KLHL29: variants seen among roughly 807,000 people sequenced by gnomAD.
The protein encoded by KLHL29 is kelch-like protein 29.
Under a neutral mutation model 80.4 loss-of-function variants are expected in KLHL29, and 21 were observed. The observed-to-expected ratio is 0.26, with a 90% CI of 0.19 to 0.38. The LOEUF is 0.38. KLHL29 is among the 10% of genes least tolerant of loss of function. The pLI is 1.00. For missense variants in KLHL29, 867 were observed against 1,223.9 expected, an observed-to-expected ratio of 0.71 and a Z score of 4.35; for synonymous variants, 511 against 526.8, an observed-to-expected ratio of 0.97 and a Z score of 0.41.
chr2:23,489,117 T>C (rs141688533), intron 2 of KLHL29, among the ~76,000 whole-genome samples: 1 of 152,266 alleles, frequency 6.6e-6, no homozygotes, highest in African/African-American at 2.4e-5. Context: ...CTGGTGTTTA[T>C]CACAAAGCAG....
At chr2:23,614,941 C>T (rs1668964798) in intron 3 of KLHL29, among the ~76,000 whole-genome samples, 1 of 152,190 alleles carries the variant, frequency 6.6e-6, no homozygotes, top group South Asian at 2.1e-4. Context: ...GAGTGTGCTG[C>T]TCCCTGCAGC....
intron 2 of KLHL29, among the ~76,000 whole-genome samples, chr2:23,535,819 G>A (rs1323451230): frequency 6.6e-6 from 1 of 152,192 alleles, no homozygotes; most frequent in Non-Finnish European, 1.5e-5. Context: ...AAACATTTTG[G>A]AGGTGGATCG....
chr2:23,644,464 G>C (rs112797234), intron 5 of KLHL29, among the ~76,000 whole-genome samples: 4 of 152,174 alleles, frequency 2.6e-5, no homozygotes, highest in African/African-American at 7.2e-5. Context: ...TTCCAGGCAC[G>C]CATCTAGGAA....
intron 1 of KLHL29, among the ~76,000 whole-genome samples, chr2:23,427,374 T>A (rs1343626652): frequency 6.6e-6 from 1 of 152,214 alleles, no homozygotes; most frequent in Non-Finnish European, 1.5e-5. Context: ...CAGAAAAGTC[T>A]CTCACAGTGG....
intron 6 of KLHL29, among the ~76,000 whole-genome samples, chr2:23,688,009 G>C (rs543131255): frequency 2.0e-5 from 3 of 152,246 alleles, no homozygotes; most frequent in African/African-American, 7.2e-5. Context: ...GAAGGGTCCC[G>C]GCAAAGTCCT....
intron 2 of KLHL29, among the ~76,000 whole-genome samples, chr2:23,494,874 C>A (rs1432426860): frequency 6.6e-6 from 1 of 152,180 alleles, no homozygotes; most frequent in Non-Finnish European, 1.5e-5. Context: ...TCGTGCAGCT[C>A]ACACTGGCCT....
intron 3 of KLHL29, among the ~76,000 whole-genome samples, chr2:23,589,414 G>A (rs1668201763): frequency 6.6e-6 from 1 of 152,224 alleles, no homozygotes; most frequent in South Asian, 2.1e-4. Context: ...GCGGCCCTGG[G>A]CCTGTGGGGC....
intron 3 of KLHL29, among the ~76,000 whole-genome samples, chr2:23,633,756 C>CGTGTGTGTGT (rs1181808728): frequency 2.4e-4 from 36 of 147,238 alleles, no homozygotes; most frequent in South Asian, 6.5e-4. Flanking sequence ...TCACAGCACT[C>CGTGTGTGTGT]GTGTGTGTGT....
At chr2:23,586,965 C>T (rs1668135988) in intron 3 of KLHL29, among the ~76,000 whole-genome samples, 1 of 152,194 alleles carries the variant, frequency 6.6e-6, no homozygotes, top group Non-Finnish European at 1.5e-5. Flanking sequence ...AAAAACCAGT[C>T]ATTCAGTAGC....
At chr2:23,468,990 G>A (rs1196046524) in intron 1 of KLHL29, among the ~76,000 whole-genome samples, 1 of 152,224 alleles carries the variant, frequency 6.6e-6, no homozygotes, top group Non-Finnish European at 1.5e-5. Context: ...TGGAAAACCG[G>A]CCGGGAGCCA....
chr2:23,668,975 G>A (rs1256616455), intron 5 of KLHL29: 1 of 152,446 alleles, frequency 6.6e-6, no homozygotes, highest in Non-Finnish European at 1.5e-5. Context: ...TCATCACCGA[G>A]GCTGAGCTGA....
At chr2:23,655,829 C>T (rs1670229590) in intron 5 of KLHL29, among the ~76,000 whole-genome samples, 1 of 151,852 alleles carries the variant, frequency 6.6e-6, no homozygotes, top group African/African-American at 2.4e-5. Context: ...ACTGACTGAG[C>T]AGAGTGAGTG....
chr2:23,626,748 C>T (rs1320270009), intron 3 of KLHL29, among the ~76,000 whole-genome samples: 1 of 152,206 alleles, frequency 6.6e-6, no homozygotes, highest in African/African-American at 2.4e-5. Flanking sequence ...CCCCTGCAGG[C>T]GATGGGCCCC....
intron 1 of KLHL29, among the ~76,000 whole-genome samples, chr2:23,408,990 G>A (rs76964523): frequency 3.3e-5 from 5 of 152,106 alleles, no homozygotes; most frequent in Non-Finnish European, 5.9e-5. Flanking sequence ...TGCCTTGTTG[G>A]GGGGTGTGTG....
chr2:23,552,400 C>T (rs1667153372), intron 2 of KLHL29, among the ~76,000 whole-genome samples: 1 of 152,166 alleles, frequency 6.6e-6, no homozygotes, highest in South Asian at 2.1e-4. Context: ...ATCAATCACA[C>T]CTCAATAAAG....
intron 8 of KLHL29, among the ~76,000 whole-genome samples, chr2:23,694,071 GT>G (rs1671791493): frequency 1.3e-5 from 2 of 152,226 alleles, no homozygotes; most frequent in South Asian, 4.1e-4. Context: ...GCTAATAACA[GT>G]GACAGCCACA....
intron 1 of KLHL29, among the ~76,000 whole-genome samples, chr2:23,431,514 G>A (rs963526564): frequency 1.3e-5 from 2 of 152,210 alleles, no homozygotes; most frequent in Non-Finnish European, 2.9e-5. Context: ...CTCCTCCGCC[G>A]GCAGCCGCCC....
rs1035211216 is a variant in KLHL29 at position 23,680,372 on chromosome 2, GA to G, written c.941-4024del. Among the ~76,000 whole-genome samples the G allele has an allele frequency of 1.9e-4, 29 of 152,170 alleles. No individual in the cohort carries two copies. The highest frequency in any genetic ancestry group is 7.0e-4 in the African/African-American group (29 of 41,444). ...TCCTGGGCATGCAGGAGGAAGTGGG[GA>G]AAGGGGCAAAGAGGCCTGGGACAAA... On this transcript the variant is annotated intron_variant, in intron 5 of 13. Coordinates refer to ENST00000486442, the MANE Select transcript of KLHL29 (RefSeq NM_052920.2). The surrounding 1 kb of genome is among the most constrained non-coding windows in gnomAD (Gnocchi z 4.1).
At chr2:23,553,054 C>A (rs1168780351) in intron 2 of KLHL29, among the ~76,000 whole-genome samples, 1 of 152,198 alleles carries the variant, frequency 6.6e-6, no homozygotes, top group South Asian at 2.1e-4. Flanking sequence ...GCCACCACTC[C>A]CGGCCACGGC....
Sources: gnomAD v4.1 joint callset for allele counts (sites outside exome capture counted in the v4.1 genomes callset) on GRCh38, gnomAD v4.1.1 for gene constraint, Gnocchi (gnomAD v3.1) non-coding constraint, MANE v1.5 for transcripts, NCBI Gene and HGNC (gene_info 2026-07-23, HGNC 2026-07-21) for gene names.